SELENBP1: variants seen among roughly 807,000 people sequenced by gnomAD.
SELENBP1 encodes the protein selenium binding protein 1.
SELENBP1 carries 71 observed loss-of-function variants against 61.0 expected under a neutral mutation model. The ratio of observed to expected loss-of-function variants is 1.16; its 90% CI spans 0.96 to 1.42. The LOEUF is 1.42. SELENBP1 is among the 40% of genes most tolerant of loss of function. The pLI is 0.00. For synonymous variants in SELENBP1, 270 were observed against 238.9 expected (o/e 1.13, Z -1.20); for missense variants, 561 against 605.0 (o/e 0.93, Z 0.76).
intron 10 of SELENBP1, 34 bp from the exon 11 acceptor site, chr1:151,365,078 C>T: frequency 6.3e-7 from 1 of 1,592,462 alleles, no homozygotes; most frequent in Non-Finnish European, 8.6e-7. Flanking sequence ...CCCAGGGTAA[C>T]ACACAGATCC....
chr1:151,368,154 T>A, intron 5 of SELENBP1, 45 bp downstream of exon 5: 1 of 1,593,362 alleles, frequency 6.3e-7, no homozygotes, highest in Non-Finnish European at 8.6e-7. Context: ...TTCCCACATT[T>A]CACAGCTGTG....
intron 7 of SELENBP1, 56 bp from the exon 8 acceptor site, chr1:151,365,902 T>C (rs964626124): frequency 3.1e-6 from 5 of 1,590,108 alleles, no homozygotes; most frequent in African/African-American, 2.7e-5. Context: ...CCTATCAGAA[T>C]TGGGGACTAG....
rs1297779552 is a variant in SELENBP1 at position 151,366,870 on chromosome 1, C to T, written c.516G>A (p.Glu172=). 6.2e-6 allele frequency: 10 copies of T among 1,614,152 alleles called. No individual in the cohort carries two copies. Among genetic ancestry groups the T allele is most frequent in the Non-Finnish European group, 8.5e-6 (10 of 1,180,008 alleles). ...GFVLLDGETF[E]VKGTWERPGG... ...CAGGTCTCTCCCATGTCCCCTTCAC[C>T]TCGAACGTCTCCCCATCCAGCAGCA... Residue 172 remains glutamate, a synonymous_variant, in exon 6 of 12, where the codon GAG becomes GAA. Transcript: ENST00000368868.
chr1:151,366,422 G>A lies in SELENBP1; in HGVS notation c.696C>T (p.Asp232=). ...TCTGCACAATCTCATGGCGCTGCCA[G>A]TCCCATACATATAAGTGGCTCCCGT... ...GLYGSHLYVW[D]WQRHEIVQTL... The change falls in exon 7 of 12, where the codon GAC becomes GAT. Residue 232 remains aspartate, a synonymous_variant. Transcript: ENST00000368868. 6.2e-7 allele frequency: 1 copy of A among 1,613,992 alleles called. No homozygotes were observed. Among genetic ancestry groups the A allele is most frequent in the Non-Finnish European group, 8.5e-7 (1 of 1,180,024 alleles).
At chr1:151,369,852 A>G in intron 1 of SELENBP1, 83 bp from the exon 2 acceptor site, 1 of 1,551,550 alleles carries the variant, frequency 6.4e-7, no homozygotes, top group Non-Finnish European at 8.7e-7. Context: ...CACACATCCC[A>G]GCGGGCCACG....
chr1:151,368,134 A>G (rs1651950727), intron 5 of SELENBP1, 65 bp downstream of exon 5: 4 of 1,580,064 alleles, frequency 2.5e-6, no homozygotes, highest in Non-Finnish European at 8.7e-7. Context: ...CTCCTCCCAC[A>G]GAAAAATGCT....
chr1:151,372,483 G>A (rs528959572), intron 1 of SELENBP1, among the ~76,000 whole-genome samples, 155 bp downstream of exon 1: 1 of 152,252 alleles, frequency 6.6e-6, no homozygotes, highest in African/African-American at 2.4e-5. Context: ...GTGGGGTGGT[G>A]GGGGAGGGGG....
chr1:151,369,843 A>G, intron 1 of SELENBP1, 74 bp from the exon 2 acceptor site: 1 of 1,551,636 alleles, frequency 6.4e-7, no homozygotes, highest in South Asian at 1.2e-5. Flanking sequence ...GTTCTGCAGC[A>G]CACATCCCAG....
intron 3 of SELENBP1, 56 bp downstream of exon 3, chr1:151,369,386 C>T (rs777625395): frequency 3.1e-5 from 48 of 1,529,468 alleles, no homozygotes; most frequent in African/African-American, 4.1e-5. Flanking sequence ...GGGCCCAGGG[C>T]CAGGGATGAG....
chr1:151,364,526 G>A lies in SELENBP1; in HGVS notation c.*17C>T. 1 of 1,613,726 alleles carries A rather than the reference G, an allele frequency of 6.2e-7. No individual in the cohort carries two copies. ...GTGAGGGCCCAAAATAGGGAGTGTG[G>A]GTGATGAGGGTGGAGTTCAAATCCA... On this transcript the variant is annotated 3_prime_UTR_variant, in exon 12 of 12. Coordinates refer to ENST00000368868, the MANE Select transcript of SELENBP1 (RefSeq NM_003944.4).
At chr1:151,368,783 C>T (rs1009955236) in intron 4 of SELENBP1, among the ~76,000 whole-genome samples, 1 of 152,226 alleles carries the variant, frequency 6.6e-6, no homozygotes, top group Non-Finnish European at 1.5e-5. Flanking sequence ...AACAAGAAGC[C>T]TTGTCCCTCT....
intron 1 of SELENBP1, chr1:151,370,102 T>A: frequency 1.0e-6 from 1 of 995,008 alleles, no homozygotes; most frequent in Non-Finnish European, 1.4e-6. Context: ...CACCACTGAC[T>A]AGCCAGGGGA....
Position 151,365,851 on chromosome 1 carries a change from A to G in SELENBP1, c.844-5T>C. The stretch of plus-strand genomic sequence containing the variant: ...CTCCACTGACCATGTACCTCCCTAC[A>G]TTGAGGGGTGGAGGGTGAGGTTAGC... On this transcript the variant is annotated splice_polypyrimidine_tract_variant and splice_region_variant and intron_variant, in intron 7 of 11. Transcript: ENST00000368868. 1 of 1,613,860 alleles carries G rather than the reference A, an allele frequency of 6.2e-7. No individual in the cohort carries two copies. Among genetic ancestry groups the G allele is most frequent in the Non-Finnish European group, 8.5e-7 (1 of 1,179,868 alleles).
chr1:151,370,005 G>A, intron 1 of SELENBP1: 1 of 1,443,398 alleles, frequency 6.9e-7, no homozygotes. Context: ...AGTCCAGCAG[G>A]GCCCCGGGAG....
At chr1:151,369,995 A>G (rs1229348809) in intron 1 of SELENBP1, 14 of 1,452,454 alleles carry the variant, frequency 9.6e-6, no homozygotes, top group Non-Finnish European at 1.3e-5. Flanking sequence ...GTGGACAGAC[A>G]GTCCAGCAGG....
chr1:151,370,040 G>A (rs897919293), intron 1 of SELENBP1: 28 of 1,419,318 alleles, frequency 2.0e-5, no homozygotes, highest in Admixed American at 1.4e-4. Flanking sequence ...TGATGCAGCC[G>A]GGGTCGTGTG....
Position 151,364,974 on chromosome 1 carries a change from G to C in SELENBP1, c.1208C>G (p.Thr403Arg). 3 of 1,613,852 alleles carry C rather than the reference G, an allele frequency of 1.9e-6. No individual in the cohort carries two copies. Among genetic ancestry groups the C allele is most frequent in the Non-Finnish European group, 2.5e-6 (3 of 1,179,928 alleles). ...CTTGTCCCAGGCACTGTACAGCGAC[G>C]TGGTGATGTAGAGGCGCTTCCCATC... Reference protein sequence around the residue: ...SLDGKRLYITTSLYSAWDKQF... With the variant: ...SLDGKRLYITRSLYSAWDKQF... Residue 403 changes from threonine to arginine, a missense_variant, in exon 11 of 12, where the codon ACG (threonine) becomes AGG (arginine). Physicochemically the swap from Thr to Arg is moderately conservative, Grantham distance 71. Transcript: ENST00000368868.
At position 151,366,910 on chromosome 1, in the gene SELENBP1, C is replaced by G. The variant is rs754925264; in HGVS notation, c.482-6G>C. 4 of 1,612,930 alleles carry G rather than the reference C, an allele frequency of 2.5e-6. No homozygotes were observed. In the South Asian group the frequency reaches 4.4e-5, roughly 18 times the overall value. On this transcript the variant is annotated splice_region_variant and splice_polypyrimidine_tract_variant and intron_variant, in intron 5 of 11. Transcript: ENST00000368868. ...ATCCAGCAGCACAAAACCCCCTGAA[C>G]AGGGAAGGAAGCAGGGTGGCAGGTA...
chr1:151,367,160 T>G, intron 5 of SELENBP1: 1 of 718,290 alleles, frequency 1.4e-6, no homozygotes, highest in Non-Finnish European at 2.0e-6. Context: ...CTGGCCAACA[T>G]GGTGAAACTC....
Sources: allele counts gnomAD v4.1 joint callset (sites outside exome capture counted in the v4.1 genomes callset), GRCh38; gene constraint gnomAD v4.1.1; transcripts MANE v1.5; gene names NCBI Gene and HGNC (gene_info 2026-07-23, HGNC 2026-07-21).